RPS6KC1: variants seen among roughly 807,000 people sequenced by gnomAD.
The protein encoded by RPS6KC1 is ribosomal protein S6 kinase C1.
RPS6KC1 carries 54 observed loss-of-function variants against 103.8 expected under a neutral mutation model. That is an observed-to-expected ratio of 0.52 (90% CI 0.42 to 0.65). The LOEUF is 0.65. RPS6KC1 is among the 30% of genes least tolerant of loss of function. The pLI is 0.00. For missense variants in RPS6KC1, 1,151 were observed against 1,253.8 expected (o/e 0.92, Z 1.24); for synonymous variants, 439 against 438.7 (o/e 1.00, Z -0.01).
At chr1:213,394,599 T>C in the RPS6KC1 span, among the ~76,000 whole-genome samples, 1 of 152,128 alleles carries the variant, frequency 6.6e-6, no homozygotes, top group Non-Finnish European at 1.5e-5. Context: ...CTCAGCTTCC[T>C]CCTCTATCCC....
the RPS6KC1 span, among the ~76,000 whole-genome samples, chr1:213,348,835 A>G: frequency 6.6e-6 from 1 of 152,188 alleles, no homozygotes; most frequent in African/African-American, 2.4e-5. Flanking sequence ...GAGCAGGCTC[A>G]TAAATGGTTT....
chr1:213,849,545 G>A, the RPS6KC1 span, among the ~76,000 whole-genome samples: 1 of 151,978 alleles, frequency 6.6e-6, no homozygotes, highest in Non-Finnish European at 1.5e-5. Context: ...CTCTCTGGTG[G>A]TACAATTTCC....
chr1:213,479,615 AGAT>A, the RPS6KC1 span, among the ~76,000 whole-genome samples: 2 of 151,536 alleles, frequency 1.3e-5, no homozygotes, highest in African/African-American at 4.9e-5. Flanking sequence ...TTGTTGTCAG[AGAT>A]GATGTTAAAA....
At chr1:213,414,589 A>G in the RPS6KC1 span, among the ~76,000 whole-genome samples, 1 of 152,216 alleles carries the variant, frequency 6.6e-6, no homozygotes, top group Non-Finnish European at 1.5e-5. Flanking sequence ...CAGAGCCTCC[A>G]GGAGGGACCA....
the RPS6KC1 span, among the ~76,000 whole-genome samples, chr1:213,352,364 C>T: frequency 6.6e-6 from 1 of 151,918 alleles, no homozygotes; most frequent in African/African-American, 2.4e-5. Flanking sequence ...GTAATAAGTA[C>T]AAATTATTAA....
chr1:213,648,449 G>A, the RPS6KC1 span, among the ~76,000 whole-genome samples: 1 of 152,030 alleles, frequency 6.6e-6, no homozygotes, highest in African/African-American at 2.4e-5. Flanking sequence ...TAATCATCCA[G>A]GTGATGACCT....
intron 6 of RPS6KC1, among the ~76,000 whole-genome samples, chr1:213,164,411 A>G (rs1394080812): frequency 6.6e-6 from 1 of 152,198 alleles, no homozygotes; most frequent in African/African-American, 2.4e-5. Context: ...CCTATCAGAG[A>G]TCACACACTA....
chr1:213,224,804 TA>T (rs2093920369), intron 8 of RPS6KC1, among the ~76,000 whole-genome samples: 1 of 152,192 alleles, frequency 6.6e-6, no homozygotes, highest in African/African-American at 2.4e-5. Context: ...CTGTTGGCAT[TA>T]AAAAAATGTT....
chr1:213,363,615 TTGCTTG>T, the RPS6KC1 span, among the ~76,000 whole-genome samples: 8 of 85,410 alleles, frequency 9.4e-5, no homozygotes, highest in African/African-American at 3.0e-4. Context: ...GCTTGCTTGC[TTGCTTG>T]CTTGCTTTCT....
At chr1:213,135,352 A>G (rs920106006) in intron 6 of RPS6KC1, among the ~76,000 whole-genome samples, 4 of 152,098 alleles carry the variant, frequency 2.6e-5, no homozygotes, top group African/African-American at 9.7e-5. Flanking sequence ...TCATTGTAAT[A>G]TGGTTGGAAA....
the RPS6KC1 span, among the ~76,000 whole-genome samples, chr1:213,495,930 C>A: frequency 2.7e-5 from 4 of 150,764 alleles, no homozygotes; most frequent in Non-Finnish European, 5.9e-5. Context: ...AACCAAATAC[C>A]AAGACAATTA....
intron 1 of RPS6KC1, among the ~76,000 whole-genome samples, chr1:213,058,421 A>C (rs1572241216): frequency 6.7e-6 from 1 of 148,892 alleles, no homozygotes. Flanking sequence ...TTGCTCTATG[A>C]TCCATTTTGA....
At chr1:213,506,402 T>A in the RPS6KC1 span, among the ~76,000 whole-genome samples, 1 of 152,220 alleles carries the variant, frequency 6.6e-6, no homozygotes, top group Non-Finnish European at 1.5e-5. Context: ...AGATTGGAGA[T>A]GCCATGATTG....
chr1:213,779,146 C>T, the RPS6KC1 span, among the ~76,000 whole-genome samples: 2 of 152,078 alleles, frequency 1.3e-5, no homozygotes, highest in Non-Finnish European at 2.9e-5. Flanking sequence ...AATAAATATT[C>T]CCCATTTCAG....
At chr1:213,658,306 C>T in the RPS6KC1 span, among the ~76,000 whole-genome samples, 4 of 152,100 alleles carry the variant, frequency 2.6e-5, no homozygotes, top group East Asian at 1.9e-4. Context: ...TCCTGAGATC[C>T]GGAGAGGGGG....
chr1:213,065,639 TG>T (rs929054858), intron 1 of RPS6KC1, among the ~76,000 whole-genome samples: 31 of 152,162 alleles, frequency 2.0e-4, no homozygotes, highest in African/African-American at 7.0e-4. Context: ...TCCCTAATAG[TG>T]GGGTACCAAG....
chr1:213,363,675 TTTCTTTCTTTCTTTCTTTCTTTCTTTCC>T, the RPS6KC1 span, among the ~76,000 whole-genome samples: 382 of 96,046 alleles, frequency 4.0e-3, 37 homozygotes, highest in African/African-American at 6.3e-3. Flanking sequence ...TCTTTCTTTC[TTTCTTTCTTTCTTTCTTTCTTTCTTTCC>T]TTCTTTCTTT....
chr1:213,302,391 G>A, the RPS6KC1 span, among the ~76,000 whole-genome samples: 3 of 152,116 alleles, frequency 2.0e-5, no homozygotes, highest in African/African-American at 7.2e-5. Context: ...ACCAGGTGTG[G>A]TGACTCACAC....
chr1:213,081,518 G>T (rs1205605826), intron 3 of RPS6KC1, among the ~76,000 whole-genome samples: 6 of 152,070 alleles, frequency 3.9e-5, no homozygotes, highest in African/African-American at 1.4e-4. Context: ...ACTTGATGGG[G>T]TCAGACACAC....
Sources: allele counts gnomAD v4.1 joint callset (sites outside exome capture counted in the v4.1 genomes callset), GRCh38; gene constraint gnomAD v4.1.1; transcripts MANE v1.5; gene names NCBI Gene and HGNC (gene_info 2026-07-23, HGNC 2026-07-21).